Variants in CEP85L observed in about 807,000 individuals in gnomAD.
The protein encoded by CEP85L is centrosomal protein of 85 kDa-like.
A neutral mutation model predicts 100.3 loss-of-function variants in CEP85L; 60 were observed. The ratio of observed to expected loss-of-function variants is 0.60; its 90% CI spans 0.49 to 0.74. The LOEUF is 0.74. Ranked by LOEUF, CEP85L falls within the 30% of genes least tolerant of loss-of-function variation. The probability of loss-of-function intolerance (pLI) is 0.00; values close to 1 mark genes in which losing one functional copy is unlikely to be tolerated. For missense variants in CEP85L, 973 were observed against 936.2 expected (o/e 1.04, Z -0.51); for synonymous variants, 319 against 322.7 (o/e 0.99, Z 0.12).
chr6:118,475,361 T>G (rs1006247880), intron 10 of CEP85L, among the ~76,000 whole-genome samples: 5 of 148,092 alleles, frequency 3.4e-5, no homozygotes, highest in African/African-American at 9.9e-5. Context: ...TTTTTTTTTT[T>G]TTTTTTTTTT....
chr6:118,705,928 G>A (rs988433460), intron 1 of CEP85L, among the ~76,000 whole-genome samples: 5 of 152,184 alleles, frequency 3.3e-5, no homozygotes, highest in African/African-American at 1.2e-4. Context: ...TTGCATTTAT[G>A]CAATGCCTGG....
intron 3 of CEP85L, among the ~76,000 whole-genome samples, chr6:118,540,727 A>G (rs2114875515): frequency 6.6e-6 from 1 of 151,980 alleles, no homozygotes; most frequent in South Asian, 2.1e-4. Context: ...ACTGCACTCC[A>G]GCCTGGCAAC....
At chr6:118,574,116 T>C (rs1244598677) in intron 2 of CEP85L, 5 of 152,250 alleles carry the variant, frequency 3.3e-5, no homozygotes, top group Non-Finnish European at 7.3e-5. Context: ...CAGCGTAATC[T>C]GTAACTAGCA....
intron 4 of CEP85L, among the ~76,000 whole-genome samples, chr6:118,514,037 A>T (rs1039008745): frequency 1.3e-5 from 2 of 152,220 alleles, no homozygotes; most frequent in African/African-American, 4.8e-5. Flanking sequence ...TTCTTACATT[A>T]TACATAAAAT....
chr6:118,691,849 T>A (rs1777056054), intron 1 of CEP85L, among the ~76,000 whole-genome samples: 1 of 152,200 alleles, frequency 6.6e-6, no homozygotes, highest in Non-Finnish European at 1.5e-5. Context: ...AGAATTTTTC[T>A]TTGCAAAATT....
At chr6:118,632,709 T>C in intron 1 of CEP85L, 98 bp from the exon 2 acceptor site, 1 of 889,016 alleles carries the variant, frequency 1.1e-6, no homozygotes. Context: ...ATAAAAGGTA[T>C]AAAAGGTTCT....
Position 118,465,310 on chromosome 6 carries a change from AGT to A in CEP85L, c.*93_*94del. ...CAAATCCACAGAAAAAAAATCCCTAAGTGCAAGTCATGTCACTTGCAACCTTC... is the reference window on the plus strand; with the variant it reads ...CAAATCCACAGAAAAAAAATCCCTAAGCAAGTCATGTCACTTGCAACCTTC... On this transcript the variant is annotated 3_prime_UTR_variant, in exon 13 of 13. Coordinates refer to ENST00000368491, the MANE Select transcript of CEP85L (RefSeq NM_001042475.3). 8.7e-7 allele frequency: 1 copy of A among 1,146,204 alleles called. No individual in the cohort carries two copies. The highest frequency in any genetic ancestry group is 2.6e-5 in the East Asian group (1 of 37,766). The allele number at this position is 1,146,204 out of a possible 1,614,324, so 71.0% of individuals were successfully genotyped here.
At chr6:118,625,713 A>G (rs748756546) in intron 2 of CEP85L, among the ~76,000 whole-genome samples, 3 of 152,218 alleles carry the variant, frequency 2.0e-5, no homozygotes, top group Non-Finnish European at 2.9e-5. Context: ...GAGAACGTAG[A>G]AAGAGTGAAC....
chr6:118,636,544 AACATT>A (rs752080935), intron 1 of CEP85L, among the ~76,000 whole-genome samples: 2 of 152,208 alleles, frequency 1.3e-5, no homozygotes, highest in Non-Finnish European at 2.9e-5. Flanking sequence ...TATGCAGTCA[AACATT>A]ACTTCCGTGA....
chr6:118,571,665 C>A (rs561072661), intron 2 of CEP85L, among the ~76,000 whole-genome samples: 1 of 151,390 alleles, frequency 6.6e-6, no homozygotes, highest in Non-Finnish European at 1.5e-5. Context: ...CACTCCCACC[C>A]TCCAGATCTA....
chr6:118,578,372 T>A (rs1422127835), intron 2 of CEP85L, among the ~76,000 whole-genome samples: 1 of 152,190 alleles, frequency 6.6e-6, no homozygotes, highest in Non-Finnish European at 1.5e-5. Flanking sequence ...ATTGGGTTAA[T>A]TTAGATTGTT....
chr6:118,488,819 C>T (rs1774361679), intron 6 of CEP85L, among the ~76,000 whole-genome samples: 1 of 152,172 alleles, frequency 6.6e-6, no homozygotes, highest in Admixed American at 6.5e-5. Flanking sequence ...GAAAAATGAC[C>T]TGTCACATGC....
intron 12 of CEP85L, among the ~76,000 whole-genome samples, chr6:118,466,105 T>G (rs1772500748): frequency 6.6e-6 from 1 of 152,136 alleles, no homozygotes; most frequent in African/African-American, 2.4e-5. Context: ...GCTGGGACCC[T>G]ACAATCCCAA....
chr6:118,524,528 G>A (rs998312176), intron 3 of CEP85L, among the ~76,000 whole-genome samples: 1 of 152,206 alleles, frequency 6.6e-6, no homozygotes, highest in East Asian at 1.9e-4. Context: ...CTGGAAATGA[G>A]ATTAATCATT....
At chr6:118,542,381 A>G (rs1363367073) in intron 3 of CEP85L, among the ~76,000 whole-genome samples, 2 of 152,116 alleles carry the variant, frequency 1.3e-5, no homozygotes, top group African/African-American at 4.8e-5. Context: ...CAACCAGTAA[A>G]CCAGTAGTTT....
intron 1 of CEP85L, among the ~76,000 whole-genome samples, chr6:118,646,345 T>C (rs555097108): frequency 1.2e-5 from 1 of 82,114 alleles, no homozygotes; most frequent in African/African-American, 4.4e-5. Flanking sequence ...AAAATCCTGA[T>C]AGTAATAATA....
At chr6:118,526,335 T>C (rs956182152) in intron 3 of CEP85L, among the ~76,000 whole-genome samples, 2 of 152,168 alleles carry the variant, frequency 1.3e-5, no homozygotes, top group Non-Finnish European at 2.9e-5. Flanking sequence ...GAATGCCCCA[T>C]GATCCAACAA....
chr6:118,514,380 C>T (rs11967858), intron 4 of CEP85L, among the ~76,000 whole-genome samples: 52,172 of 151,780 alleles, frequency 0.34, 10,095 homozygotes, highest in Non-Finnish European at 0.45. Context: ...CAAAAATTAG[C>T]TGGTCATGGT....
At chr6:118,567,235 GTGTGTGTGTGTGTGTA>G (rs1362127284) in intron 2 of CEP85L, among the ~76,000 whole-genome samples, 642 of 83,488 alleles carry the variant, frequency 7.7e-3, no homozygotes, top group East Asian at 0.025. Flanking sequence ...GTGTGTGTGT[GTGTGTGTGTGTGTGTA>G]TATATATATA....
Sources: allele counts gnomAD v4.1 joint callset (sites outside exome capture counted in the v4.1 genomes callset), GRCh38; gene constraint gnomAD v4.1.1; transcripts MANE v1.5; gene names NCBI Gene and HGNC (gene_info 2026-07-23, HGNC 2026-07-21).